GPR89B: variants seen among roughly 807,000 people sequenced by gnomAD.
GPR89B encodes the protein golgi pH regulator B.
Under a neutral mutation model 52.4 loss-of-function variants are expected in GPR89B, and 25 were observed. The observed-to-expected ratio is 0.48, with a 90% CI of 0.35 to 0.67. The LOEUF is 0.67. Ranked by LOEUF, GPR89B falls within the 30% of genes least tolerant of loss-of-function variation. The pLI, the probability that GPR89B is intolerant of heterozygous loss-of-function variation, is 0.01. For synonymous variants in GPR89B, 52 were observed against 151.2 expected (o/e 0.34, Z 4.81); for missense variants, 146 against 450.2 (o/e 0.32, Z 6.11).
chr1:147,984,838 T>G lies in GPR89B; in HGVS notation c.910-1361T>G, dbSNP rs1188969438. 3.1e-3 allele frequency among the ~76,000 whole-genome samples: 466 copies of G among 152,132 alleles called. 1 individual carries two copies. Among genetic ancestry groups the G allele is most frequent in the African/African-American group, 0.011 (451 of 41,466 alleles). On this transcript the variant is annotated intron_variant, in intron 10 of 13. Transcript: ENST00000314163. ...ATATTATTCTCTAATTAATTTCTAA[T>G]TTAATTTCATGTGGTGTAAGAACAT...
chr1:147,959,465 C>T (rs1656374144), intron 7 of GPR89B, among the ~76,000 whole-genome samples: 2 of 151,962 alleles, frequency 1.3e-5, no homozygotes, highest in South Asian at 4.1e-4. Context: ...TGAGCAGAGG[C>T]AGGTAGAAAT....
chr1:147,997,354 A>G (rs1452442287), downstream of GPR89B, among the ~76,000 whole-genome samples: 9 of 152,188 alleles, frequency 5.9e-5, no homozygotes, highest in South Asian at 2.1e-4. Flanking sequence ...TGAGTGAACT[A>G]CAGAAAAGGC....
At chr1:147,958,388 T>A (rs1656280907) in intron 7 of GPR89B, among the ~76,000 whole-genome samples, 1 of 151,102 alleles carries the variant, frequency 6.6e-6, no homozygotes, top group Admixed American at 6.6e-5. Context: ...CATGACCGGG[T>A]ACTCATGCCT....
intron 12 of GPR89B, among the ~76,000 whole-genome samples, chr1:147,990,296 G>T (rs1443006801): frequency 2.6e-5 from 4 of 152,114 alleles, no homozygotes; most frequent in African/African-American, 7.2e-5. Context: ...TTTTGATGGG[G>T]TTGTTTTTTT....
chr1:147,964,041 G>A (rs1169887890), intron 7 of GPR89B, among the ~76,000 whole-genome samples: 4 of 151,956 alleles, frequency 2.6e-5, no homozygotes, highest in Admixed American at 1.3e-4. Context: ...AGGTGGGAGG[G>A]AGGTAAGCTG....
At chr1:148,019,192 G>T in the GPR89B span, among the ~76,000 whole-genome samples, 1 of 151,048 alleles carries the variant, frequency 6.6e-6, no homozygotes, top group African/African-American at 2.5e-5. Context: ...GGCCAGGCTG[G>T]TCTCGAACTC....
At chr1:148,006,999 G>A in the GPR89B span, among the ~76,000 whole-genome samples, 7 of 151,398 alleles carry the variant, frequency 4.6e-5, no homozygotes, top group South Asian at 2.1e-4. Context: ...TTACAGATAT[G>A]AGCCACTGTG....
chr1:147,950,293 A>ACGGGGCGGCGGGGCGG (rs782028800), intron 5 of GPR89B, among the ~76,000 whole-genome samples: 1 of 147,558 alleles, frequency 6.8e-6, no homozygotes, highest in African/African-American at 2.5e-5. Context: ...CACATCCCAG[A>ACGGGGCGGCGGGGCGG]CGGGGCGGCG....
At chr1:147,980,624 A>G (rs1658166531) in intron 10 of GPR89B, among the ~76,000 whole-genome samples, 2 of 148,054 alleles carry the variant, frequency 1.4e-5, no homozygotes, top group Non-Finnish European at 3.0e-5. Flanking sequence ...ATATATTCAT[A>G]GTTTTATAAC....
chr1:147,951,338 A>G (rs1553251016), intron 5 of GPR89B, among the ~76,000 whole-genome samples: 1 of 151,452 alleles, frequency 6.6e-6, no homozygotes, highest in East Asian at 1.9e-4. Context: ...AATATTACCT[A>G]TTATATTGCC....
At chr1:148,013,180 A>T in the GPR89B span, among the ~76,000 whole-genome samples, 3 of 152,058 alleles carry the variant, frequency 2.0e-5, 1 homozygote, top group African/African-American at 7.3e-5. Context: ...GCACAAAAGG[A>T]AGATAGGCAT....
intron 10 of GPR89B, among the ~76,000 whole-genome samples, chr1:147,985,392 T>C (rs1351599735): frequency 1.3e-5 from 2 of 152,004 alleles, no homozygotes; most frequent in African/African-American, 2.4e-5. Context: ...TATAGTTGGG[T>C]CTTGCATTTT....
chr1:147,949,301 T>C (rs1250336855), intron 5 of GPR89B, among the ~76,000 whole-genome samples: 1 of 150,584 alleles, frequency 6.6e-6, no homozygotes, highest in African/African-American at 2.5e-5. Flanking sequence ...GGGTGGTGGC[T>C]GGGCAGAGGG....
chr1:148,006,522 C>T, the GPR89B span, among the ~76,000 whole-genome samples: 4 of 152,006 alleles, frequency 2.6e-5, no homozygotes, highest in Non-Finnish European at 5.9e-5. Context: ...CAGTGGAGGC[C>T]TGAAACTTTA....
intron 12 of GPR89B, among the ~76,000 whole-genome samples, chr1:147,991,695 T>C (rs1427172418): frequency 5.9e-5 from 9 of 152,206 alleles, no homozygotes. Flanking sequence ...TCTGCATCTA[T>C]TGAGATAACC....
At chr1:147,968,723 T>G (rs1657210365) in intron 8 of GPR89B, 152 bp from the exon 9 acceptor site, 1 of 1,216,740 alleles carries the variant, frequency 8.2e-7, no homozygotes, top group South Asian at 1.3e-5. Flanking sequence ...GGAAAGTTGC[T>G]CTGAAGTAGT....
At chr1:147,980,579 A>G (rs1394570994) in intron 10 of GPR89B, among the ~76,000 whole-genome samples, 2 of 142,602 alleles carry the variant, frequency 1.4e-5, no homozygotes, top group African/African-American at 5.3e-5. Flanking sequence ...ATACAATACA[A>G]TATACTCATT....
At chr1:147,994,385 T>C (rs1659264227), downstream of GPR89B, 4 of 1,326,246 alleles carry the variant, frequency 3.0e-6, no homozygotes, top group Middle Eastern at 2.6e-4. Context: ...AATTTACAAA[T>C]GGTAGAGTAA....
chr1:147,970,420 C>T (rs1275331425), intron 10 of GPR89B, among the ~76,000 whole-genome samples: 2 of 151,190 alleles, frequency 1.3e-5, no homozygotes, highest in Non-Finnish European at 2.9e-5. Flanking sequence ...TCGCTTGAAC[C>T]CGAGAGGCGG....
Sources: gnomAD v4.1 joint callset for allele counts (sites outside exome capture counted in the v4.1 genomes callset) on GRCh38, gnomAD v4.1.1 for gene constraint, MANE v1.5 for transcripts, NCBI Gene and HGNC (gene_info 2026-07-23, HGNC 2026-07-21) for gene names.